FBXO42: variants seen among roughly 807,000 people sequenced by gnomAD.
FBXO42 encodes the protein F-box protein 42.
In FBXO42, 12 loss-of-function variants were observed where a neutral mutation model predicts 71.7. That is an observed-to-expected ratio of 0.17 (90% CI 0.11 to 0.27). The LOEUF (loss-of-function observed/expected upper bound fraction) is 0.27. Among genes scored for constraint, FBXO42 ranks in the 10% least tolerant of loss-of-function variants. The probability of loss-of-function intolerance (pLI) is 1.00; values close to 1 mark genes in which losing one functional copy is unlikely to be tolerated. For synonymous variants in FBXO42, 325 were observed against 327.5 expected (o/e 0.99, Z 0.08); for missense variants, 707 against 911.9 (o/e 0.78, Z 2.89).
intron 1 of FBXO42, among the ~76,000 whole-genome samples, chr1:16,350,573 CAAAAAAAA>C (rs60358251): frequency 1.5e-4 from 10 of 66,792 alleles, no homozygotes; most frequent in East Asian, 4.1e-4. Context: ...ACTAAAATTA[CAAAAAAAA>C]AAAAAAAAAA....
At chr1:16,311,637 T>C (rs1033482521) in intron 2 of FBXO42, among the ~76,000 whole-genome samples, 10 of 151,812 alleles carry the variant, frequency 6.6e-5, no homozygotes, top group Non-Finnish European at 1.5e-4. Context: ...CCATATCATT[T>C]GTCATCAGGG....
intron 3 of FBXO42, among the ~76,000 whole-genome samples, chr1:16,300,600 C>A (rs1312181685): frequency 6.6e-6 from 1 of 152,184 alleles, no homozygotes; most frequent in Non-Finnish European, 1.5e-5. Flanking sequence ...ACTATGCTGT[C>A]ATGTGTCTCA....
At chr1:16,289,907 C>T (rs2100521252) in intron 4 of FBXO42, among the ~76,000 whole-genome samples, 1 of 152,196 alleles carries the variant, frequency 6.6e-6, no homozygotes, top group East Asian at 1.9e-4. Context: ...AGAGTAAGAC[C>T]TTGTCTCAAA....
At position 16,251,765 on chromosome 1, in the gene FBXO42, G is replaced by T; in HGVS notation, c.1059C>A (p.Val353=). Residue 353 remains valine (V), a synonymous_variant, in exon 10 of 10, where the codon GTC becomes GTA. Transcript: ENST00000375592. This position sits in a 1 kb window ranked among gnomAD's most constrained non-coding sequence, Gnocchi z 4.5. The stretch of plus-strand genomic sequence containing the variant: ...CTCTCCCACTAGGAGCCTGGCTGAA[G>T]ACCACCACACACTGTCCCACCTGGA... The part of the protein sequence containing the change: ...PACRVGQCVV[V]FSQAPSGRAP... 6.2e-7 allele frequency: 1 copy of T among 1,613,846 alleles called. No homozygotes were observed. The highest frequency in any genetic ancestry group is 8.5e-7 in the Non-Finnish European group (1 of 1,179,902).
chr1:16,337,883 CAAAAAAAAAAAAAAAAAAAAAAA>C (rs60328879), intron 1 of FBXO42, among the ~76,000 whole-genome samples: 1 of 38,838 alleles, frequency 2.6e-5, no homozygotes, highest in African/African-American at 9.4e-5. Flanking sequence ...GACTCCGTCT[CAAAAAAAAAAAAAAAAAAAAAAA>C]AAAAAAAAAA....
Position 16,336,455 on chromosome 1 carries a change from T to A in FBXO42, c.-18+15800A>T, listed in dbSNP as rs114805964. Among the ~76,000 whole-genome samples, 941 of 151,620 alleles carry A rather than the reference T, an allele frequency of 6.2e-3. 6 individuals carry two copies. Among genetic ancestry groups the A allele is most frequent in the African/African-American group, 0.022 (902 of 41,362 alleles). On this transcript the variant is annotated intron_variant, in intron 1 of 9. Coordinates refer to ENST00000375592, the MANE Select transcript of FBXO42 (RefSeq NM_018994.3). ...CTCATTGCAACCTCCACCTCCTGGG[T>A]TAAAGCAGCTCTTTGCCTCAGCCTC...
At chr1:16,294,981 T>C (rs2082113955) in intron 3 of FBXO42, 64 bp from the exon 4 acceptor site, 11 of 1,492,048 alleles carry the variant, frequency 7.4e-6, no homozygotes, top group Non-Finnish European at 9.8e-6. Context: ...ATTTTAACCA[T>C]AACATATATT....
intron 4 of FBXO42, among the ~76,000 whole-genome samples, chr1:16,259,509 A>G (rs2081685247): frequency 6.6e-6 from 1 of 152,226 alleles, no homozygotes; most frequent in Admixed American, 6.5e-5. Context: ...CACACCTGTA[A>G]TCCCAGCACT....
At chr1:16,302,911 G>C (rs1327948621) in intron 3 of FBXO42, among the ~76,000 whole-genome samples, 1 of 152,126 alleles carries the variant, frequency 6.6e-6, no homozygotes, top group African/African-American at 2.4e-5. Flanking sequence ...CCTCCCACCA[G>C]GTCACTCCCT....
At chr1:16,298,001 G>C (rs764740038) in intron 3 of FBXO42, among the ~76,000 whole-genome samples, 10 of 152,114 alleles carry the variant, frequency 6.6e-5, no homozygotes, top group Non-Finnish European at 1.3e-4. Context: ...TGAGGCGGGT[G>C]GATCACTTGA....
chr1:16,277,028 A>G (rs1252667018), intron 4 of FBXO42, among the ~76,000 whole-genome samples: 3 of 152,254 alleles, frequency 2.0e-5, no homozygotes. Context: ...AGCTAAGGAC[A>G]GATATTAATA....
rs2081580600 is a variant in FBXO42, at chr1:16,250,523, G to A, written c.*147C>T. On this transcript the variant is annotated 3_prime_UTR_variant, in exon 10 of 10. Coordinates refer to ENST00000375592, the MANE Select transcript of FBXO42 (RefSeq NM_018994.3). This position sits in a 1 kb window ranked among gnomAD's most constrained non-coding sequence, Gnocchi z 4.7. ...TAATTTTTTTTCTTAATGGAGATTTGATCCCAGCCTGGAGTGACTTCGGTT... is the reference window on the plus strand; with the variant it reads ...TAATTTTTTTTCTTAATGGAGATTTAATCCCAGCCTGGAGTGACTTCGGTT... 1 of 544,366 alleles carries A rather than the reference G, an allele frequency of 1.8e-6. No homozygotes were observed. The highest frequency in any genetic ancestry group is 3.3e-5 in the Admixed American group (1 of 30,302). The allele number at this position is 544,366 out of a possible 1,614,324, so 33.7% of individuals were successfully genotyped here.
At chr1:16,273,957 A>C (rs2081871814) in intron 4 of FBXO42, among the ~76,000 whole-genome samples, 2 of 152,208 alleles carry the variant, frequency 1.3e-5, no homozygotes, top group Non-Finnish European at 2.9e-5. Context: ...TGACAGATGC[A>C]ACCACATAGA....
Position 16,249,238 on chromosome 1 carries a change from G to A in FBXO42, c.*1432C>T, listed in dbSNP as rs1280416946. On this transcript the variant is annotated 3_prime_UTR_variant, in exon 10 of 10. Coordinates refer to ENST00000375592, the MANE Select transcript of FBXO42 (RefSeq NM_018994.3). ...TCTCCTATGCCCAGGCCATGGTTGAGACTAGTAACTTTCTGTATCAAGCAA... is the reference window on the plus strand; with the variant it reads ...TCTCCTATGCCCAGGCCATGGTTGAAACTAGTAACTTTCTGTATCAAGCAA... The A allele has an allele frequency of 6.6e-6, 1 of 152,192 alleles. No individual in the cohort carries two copies. Among genetic ancestry groups the A allele is most frequent in the Non-Finnish European group, 1.5e-5 (1 of 68,030 alleles). 9.4% of individuals were successfully genotyped at this position (152,192 alleles called of 1,614,324 possible).
intron 6 of FBXO42, 35 bp from the exon 7 acceptor site, chr1:16,253,766 G>T (rs781756251): frequency 1.9e-5 from 30 of 1,592,158 alleles, no homozygotes; most frequent in Middle Eastern, 1.7e-4. Flanking sequence ...AAGGTAGTTA[G>T]GAGCTCCCAG....
chr1:16,270,674 CAA>C (rs34861558), intron 4 of FBXO42, among the ~76,000 whole-genome samples: 4 of 14,904 alleles, frequency 2.7e-4, no homozygotes, highest in East Asian at 5.4e-3. Flanking sequence ...CTCTGTCTCT[CAA>C]AAAAAAAAAA....
In FBXO42 at chr1:16,339,640, A is replaced by G. The variant is rs1156555398; in HGVS notation, c.-18+12615T>C. Among the ~76,000 whole-genome samples the G allele has an allele frequency of 2.0e-5, 3 of 151,944 alleles. No homozygotes were observed. The East Asian group carries it at 5.8e-4, about 29-fold the overall frequency. On this transcript the variant is annotated intron_variant, in intron 1 of 9. Coordinates refer to ENST00000375592, the MANE Select transcript of FBXO42 (RefSeq NM_018994.3). ...TTATGTTCTTATGTAAATTTTCTCAATAACCAGATTACACATTTTTGGTTA... is the reference window on the plus strand; with the variant it reads ...TTATGTTCTTATGTAAATTTTCTCAGTAACCAGATTACACATTTTTGGTTA...
chr1:16,304,674 T>A (rs2082231314), intron 3 of FBXO42, among the ~76,000 whole-genome samples: 1 of 151,878 alleles, frequency 6.6e-6, no homozygotes, highest in Non-Finnish European at 1.5e-5. Flanking sequence ...AAAAATCCAA[T>A]GAAAAAGCAG....
chr1:16,333,445 C>CG (rs1491570140), intron 1 of FBXO42, among the ~76,000 whole-genome samples: 6 of 138,814 alleles, frequency 4.3e-5, no homozygotes, highest in African/African-American at 1.3e-4. Flanking sequence ...GACCCCCCCC[C>CG]CCCATTTCCA....
Sources: allele counts gnomAD v4.1 joint callset (sites outside exome capture counted in the v4.1 genomes callset), GRCh38; gene constraint gnomAD v4.1.1; non-coding constraint Gnocchi (gnomAD v3.1); transcripts MANE v1.5; gene names NCBI Gene and HGNC (gene_info 2026-07-23, HGNC 2026-07-21).